CNOT1: variants seen among roughly 807,000 people sequenced by gnomAD.
CNOT1 encodes CCR4-associated factor 1.
CNOT1 carries 15 observed loss-of-function variants against 273.8 expected under a neutral mutation model. The observed-to-expected ratio is 0.05, with a 90% CI of 0.04 to 0.08. The LOEUF is 0.08. Ranked by LOEUF, CNOT1 falls within the 10% of genes least tolerant of loss-of-function variation. The pLI is 1.00. For missense variants in CNOT1, 1,644 were observed against 2,912.2 expected, an observed-to-expected ratio of 0.56 and a Z score of 10.02; for synonymous variants, 1,022 against 1,005.5, an observed-to-expected ratio of 1.02 and a Z score of -0.31.
chr16:58,558,638 C>G lies in CNOT1; in HGVS notation c.2167G>C (p.Gly723Arg). The G allele has an allele frequency of 6.2e-7, 1 of 1,613,654 alleles. No homozygotes were observed. Among genetic ancestry groups the G allele is most frequent in the Non-Finnish European group, 8.5e-7 (1 of 1,179,846 alleles). The change falls in exon 18 of 49, where the codon GGT becomes CGT. Residue 723 changes from glycine (G) to arginine (R), a missense_variant. By Grantham distance (125) the Gly-to-Arg change is moderately radical. This residue lies in a region of CNOT1 where 706 missense variants were observed against 1,021.2 expected (regional missense o/e 0.69). Coordinates refer to ENST00000317147, the MANE Select transcript of CNOT1 (RefSeq NM_016284.5). ...PLAGMTSLSI[G>R]GSAAPHTQSM... ...TGGGTGTGAGGGGCAGCTGAACCAC[C>G]TATACTAAGAGATGTCATTCCAGCA...
intron 2 of CNOT1, among the ~76,000 whole-genome samples, chr16:58,596,614 A>G (rs137889509): frequency 0.031 from 4,760 of 152,224 alleles, 92 homozygotes; most frequent in Non-Finnish European, 0.045. Flanking sequence ...ACCGCTGGGC[A>G]CAGTGGCTCA....
chr16:58,539,347 G>C (rs970028993), intron 35 of CNOT1, among the ~76,000 whole-genome samples: 1 of 151,922 alleles, frequency 6.6e-6, no homozygotes, highest in Non-Finnish European at 1.5e-5. Flanking sequence ...TTAAAAATTA[G>C]CTTGGCTTGG....
At chr16:58,537,371 G>C (rs1048246440) in intron 38 of CNOT1, 151 bp from the exon 39 acceptor site, 1 of 1,217,928 alleles carries the variant, frequency 8.2e-7, no homozygotes, top group African/African-American at 1.5e-5. Context: ...ACTATACTTA[G>C]TCTCTTATCC....
At chr16:58,628,353 A>G (rs564478594) in intron 1 of CNOT1, among the ~76,000 whole-genome samples, 2 of 152,296 alleles carry the variant, frequency 1.3e-5, no homozygotes, top group East Asian at 3.9e-4. Flanking sequence ...AATAGCTAAA[A>G]TACTCTGCTG....
At chr16:58,563,257 T>C (rs2040924421) in intron 16 of CNOT1, among the ~76,000 whole-genome samples, 3 of 152,224 alleles carry the variant, frequency 2.0e-5, no homozygotes, top group Non-Finnish European at 2.9e-5. Context: ...AATATATAAA[T>C]ACCATTGTGT....
intron 1 of CNOT1, among the ~76,000 whole-genome samples, chr16:58,628,817 T>C (rs546533858): frequency 6.6e-6 from 1 of 152,374 alleles, no homozygotes. Flanking sequence ...TCTTTTTTAA[T>C]CTACAAAGCT....
intron 1 of CNOT1, among the ~76,000 whole-genome samples, chr16:58,620,078 C>T (rs1406784453): frequency 6.6e-6 from 1 of 152,060 alleles, no homozygotes; most frequent in East Asian, 1.9e-4. Context: ...TATCGATTTC[C>T]AAGAATGCTA....
intron 1 of CNOT1, among the ~76,000 whole-genome samples, chr16:58,608,687 G>A (rs181496203): frequency 1.2e-4 from 18 of 151,938 alleles, no homozygotes; most frequent in Middle Eastern, 6.8e-3. Context: ...AGCACAATTC[G>A]CAATTGCAAA....
At chr16:58,585,272 T>A (rs1293164606) in intron 8 of CNOT1, 66 bp downstream of exon 8, 19 of 1,584,678 alleles carry the variant, frequency 1.2e-5, no homozygotes, top group Non-Finnish European at 1.7e-6. Context: ...TTAGAGACTT[T>A]TTTTAAAGAA....
At chr16:58,556,709 T>C (rs993111613) in intron 19 of CNOT1, 138 bp downstream of exon 19, 18 of 1,386,836 alleles carry the variant, frequency 1.3e-5, no homozygotes, top group Middle Eastern at 2.5e-4. Context: ...CTCTAACTTT[T>C]AATAATTCAA....
rs765123929 is a variant in CNOT1 at position 58,545,536 on chromosome 16, G to A, written c.4007-45C>T. The A allele has an allele frequency of 3.7e-6, 6 of 1,608,156 alleles. No homozygotes were observed. In the South Asian group the frequency reaches 6.7e-5, roughly 18 times the overall value. ...AAGAGATTTAAAAAGTACATTTGTT[G>A]ACTTTATTATAAAATTAGCTTAATA... On this transcript the variant is annotated intron_variant, in intron 29 of 48. Transcript: ENST00000317147.
rs2039332220 is a variant in CNOT1, at chr16:58,520,480, T to C, written c.*478A>G. The stretch of plus-strand genomic sequence containing the variant: ...CACATCCACATTTTTAATAACTTAG[T>C]GATTTTCAAGGTCCCCTGTCCACAT... On this transcript the variant is annotated 3_prime_UTR_variant, in exon 49 of 49. Coordinates refer to ENST00000317147, the MANE Select transcript of CNOT1 (RefSeq NM_016284.5). The C allele has an allele frequency of 1.2e-5, 2 of 160,894 alleles. No homozygotes were observed. 10.0% of individuals were successfully genotyped at this position (160,894 alleles called of 1,614,324 possible).
chr16:58,573,727 C>T (rs565011454), intron 16 of CNOT1, among the ~76,000 whole-genome samples: 3 of 152,080 alleles, frequency 2.0e-5, no homozygotes, highest in East Asian at 1.9e-4. Flanking sequence ...ATGATTCGCC[C>T]GCCTCGGCCT....
chr16:58,622,811 C>A (rs1169883745), intron 1 of CNOT1, among the ~76,000 whole-genome samples: 2 of 148,840 alleles, frequency 1.3e-5, no homozygotes, highest in African/African-American at 2.5e-5. Context: ...CGCACCACTG[C>A]ACTCTAACCC....
Position 58,534,260 on chromosome 16 carries a change from T to A in CNOT1, c.5782A>T (p.Ile1928Phe), listed in dbSNP as rs770253155. ...QHNPAANPTM[I>F]RAKCYHNLDA... is the part of the protein sequence containing the mutation. Reference sequence around the variant, plus strand: ...AGGTTGTGATAGCACTTGGCTCGGATCATGGTGGGATTGGCAGCAGGATTG... The same window carrying A: ...AGGTTGTGATAGCACTTGGCTCGGAACATGGTGGGATTGGCAGCAGGATTG... Residue 1928 changes from isoleucine (I) to phenylalanine (F), a missense_variant, in exon 40 of 49, where the codon ATC becomes TTC. Physicochemically the swap from Ile to Phe is conservative, Grantham distance 21. Transcript: ENST00000317147. 1 of 1,614,080 alleles carries A rather than the reference T, an allele frequency of 6.2e-7. No homozygotes were observed.
chr16:58,579,980 C>T (rs12102611), intron 12 of CNOT1, among the ~76,000 whole-genome samples: 39,816 of 151,980 alleles, frequency 0.26, 6,212 homozygotes, highest in African/African-American at 0.44. Context: ...GAGACCGAGG[C>T]GGATGGATCA....
chr16:58,585,441 G>C lies in CNOT1; in HGVS notation c.703C>G (p.Leu235Val), dbSNP rs2041802549. 1.2e-6 allele frequency: 2 copies of C among 1,613,550 alleles called. No homozygotes were observed. Among genetic ancestry groups the C allele is most frequent in the African/African-American group, 2.7e-5 (2 of 74,850 alleles). ...GAATCAGGCAGGATCCTGTCCATTA[G>C]AATGTCCCGTTTTTCAGGGTATAAA... is the stretch of plus-strand genomic sequence containing the variant. ...PLLYPEKRDI[L>V]MDRILPDSGG... Residue 235 changes from leucine to valine, a missense_variant, in exon 8 of 49, where the codon CTA (leucine) becomes GTA (valine). Physicochemically the swap from Leu to Val is conservative, Grantham distance 32 (BLOSUM62 1). This residue lies in a region of CNOT1 where 706 missense variants were observed against 1,021.2 expected (regional missense o/e 0.69). Transcript: ENST00000317147.
At chr16:58,603,424 TGTGTGTGTGTGTGTGTGTGTGTGTG>T (rs1197936132) in intron 1 of CNOT1, among the ~76,000 whole-genome samples, 19 of 141,872 alleles carry the variant, frequency 1.3e-4, no homozygotes, top group African/African-American at 4.9e-4. Context: ...TGTGTGTGTG[TGTGTGTGTGTGTGTGTGTGTGTGTG>T]TGTGTGTGTG....
intron 16 of CNOT1, among the ~76,000 whole-genome samples, chr16:58,573,477 A>ATTTT (rs34706886): frequency 4.4e-5 from 5 of 112,922 alleles, no homozygotes; most frequent in East Asian, 3.0e-4. Flanking sequence ...CTGTTTTGCA[A>ATTTT]TTTTTTTTTT....
Sources: gnomAD v4.1 joint callset for allele counts (sites outside exome capture counted in the v4.1 genomes callset) on GRCh38, gnomAD v4.1.1 for gene constraint, gnomAD v4.1.1 regional missense constraint, MANE v1.5 for transcripts, NCBI Gene and HGNC (gene_info 2026-07-23, HGNC 2026-07-21) for gene names.